CRACD: variants seen among roughly 807,000 people sequenced by gnomAD.
CRACD encodes the protein capping protein inhibiting regulator of actin dynamics.
A neutral mutation model predicts 106.8 loss-of-function variants in CRACD; 56 were observed. The observed-to-expected ratio is 0.52, with a 90% CI of 0.42 to 0.66. The LOEUF is 0.66. Among genes scored for constraint, CRACD ranks in the 30% least tolerant of loss-of-function variants. The pLI, the probability that CRACD is intolerant of heterozygous loss-of-function variation, is 0.00. For synonymous variants in CRACD, 754 were observed against 670.8 expected (o/e 1.12, Z -1.92); for missense variants, 1,730 against 1,623.2 (o/e 1.07, Z -1.13).
At chr4:56,181,984 A>T (rs552703036) in intron 2 of CRACD, among the ~76,000 whole-genome samples, 2 of 152,174 alleles carry the variant, frequency 1.3e-5, no homozygotes, top group Non-Finnish European at 2.9e-5. Context: ...CATCACAGCT[A>T]CCTTAAATAA....
At chr4:56,198,658 A>G (rs1737736752) in intron 2 of CRACD, among the ~76,000 whole-genome samples, 1 of 152,146 alleles carries the variant, frequency 6.6e-6, no homozygotes, top group Non-Finnish European at 1.5e-5. Context: ...CATTTTTCTT[A>G]AGAGTCAGGG....
Position 56,313,207 on chromosome 4 carries a change from T to G in CRACD, c.365T>G (p.Val122Gly). The G allele has an allele frequency of 6.2e-7, 1 of 1,614,096 alleles. No individual in the cohort carries two copies. Among genetic ancestry groups the G allele is most frequent in the Non-Finnish European group, 8.5e-7 (1 of 1,179,998 alleles). Residue 122 changes from valine to glycine, a missense_variant, in exon 7 of 11, where the codon GTT becomes GGT. Val to Gly is a moderately radical substitution (Grantham distance 109). Coordinates refer to ENST00000682029, the MANE Select transcript of CRACD (RefSeq NM_001393381.1). Reference sequence around the variant, plus strand: ...TAATCTCCCCTACAGGTTGCTCCCGTTAAACCGTCTCGGCCAAAAAGGCAC... The same window carrying G: ...TAATCTCCCCTACAGGTTGCTCCCGGTAAACCGTCTCGGCCAAAAAGGCAC... ...GSEMEEKVAP[V>G]KPSRPKRHFS...
intron 1 of CRACD, among the ~76,000 whole-genome samples, chr4:56,152,921 C>G (rs987321104): frequency 5.9e-5 from 9 of 152,180 alleles, no homozygotes; most frequent in African/African-American, 1.7e-4. Context: ...CCTGTCTTTT[C>G]TGTTGCCCAC....
chr4:56,193,100 G>T (rs1737454708), intron 2 of CRACD, among the ~76,000 whole-genome samples: 1 of 152,166 alleles, frequency 6.6e-6, no homozygotes, highest in Non-Finnish European at 1.5e-5. Context: ...TCACAATCAT[G>T]GTGGAAGACA....
rs569554419 is a variant in CRACD at position 56,309,060 on chromosome 4, G to C, written c.285+1361G>C. 108 of 475,860 alleles carry C rather than the reference G, an allele frequency of 2.3e-4. 1 individual carries two copies. The highest frequency in any genetic ancestry group is 2.1e-3 in the African/African-American group (105 of 50,304). The allele number at this position is 475,860 out of a possible 1,614,324, so 29.5% of individuals were successfully genotyped here. A position where few individuals can be genotyped will look rare whatever the true frequency, so the allele number is the denominator to read the frequency against. Reference sequence around the variant, plus strand: ...CCAGTATATAAATAGAATCATTTCAGATCAAGAAAAATGCTGGCTGCACAG... The same window carrying C: ...CCAGTATATAAATAGAATCATTTCACATCAAGAAAAATGCTGGCTGCACAG... On this transcript the variant is annotated intron_variant, in intron 5 of 10. Coordinates refer to ENST00000682029, the MANE Select transcript of CRACD (RefSeq NM_001393381.1).
chr4:56,313,445 TG>T, intron 7 of CRACD, 66 bp downstream of exon 7: 2 of 1,448,940 alleles, frequency 1.4e-6, no homozygotes, highest in Non-Finnish European at 1.9e-6. Flanking sequence ...ATTCTACAAG[TG>T]GGTTGGCATT....
At chr4:56,317,547 T>C (rs908858560) in intron 8 of CRACD, among the ~76,000 whole-genome samples, 8 of 152,236 alleles carry the variant, frequency 5.3e-5, no homozygotes, top group Non-Finnish European at 8.8e-5. Context: ...TTAACCATTT[T>C]GAGGGGGCCT....
At chr4:56,091,327 T>G (rs1469615040) in intron 1 of CRACD, among the ~76,000 whole-genome samples, 2 of 151,914 alleles carry the variant, frequency 1.3e-5, no homozygotes, top group Non-Finnish European at 2.9e-5. Context: ...TGTCCTGGGA[T>G]TTTAGACCTA....
chr4:56,253,445 C>T (rs181997940), intron 2 of CRACD, among the ~76,000 whole-genome samples: 3 of 152,212 alleles, frequency 2.0e-5, no homozygotes, highest in Non-Finnish European at 4.4e-5. Flanking sequence ...GAACTGAGGT[C>T]CTAAGAAGCT....
chr4:56,078,023 A>G (rs1266637769), intron 1 of CRACD, among the ~76,000 whole-genome samples: 2 of 152,242 alleles, frequency 1.3e-5, no homozygotes, highest in African/African-American at 4.8e-5. Context: ...CTCACAATGA[A>G]TATGTACGTG....
chr4:56,117,195 G>T lies in CRACD; in HGVS notation c.-335-62089G>T, dbSNP rs200031947. On this transcript the variant is annotated intron_variant, in intron 1 of 10. Coordinates refer to ENST00000682029, the MANE Select transcript of CRACD (RefSeq NM_001393381.1). The stretch of plus-strand genomic sequence containing the variant: ...GCCACCACGCCTGGCTAATTTTTTT[G>T]TATTTTTAGTAGAGACGGGGTTTCA... 2.3e-4 allele frequency among the ~76,000 whole-genome samples: 35 copies of T among 151,754 alleles called. No individual in the cohort carries two copies. The East Asian group carries it at 6.2e-3, about 27-fold the overall frequency.
chr4:56,181,460 A>G (rs1736816864), intron 2 of CRACD, among the ~76,000 whole-genome samples: 1 of 152,206 alleles, frequency 6.6e-6, no homozygotes, highest in Non-Finnish European at 1.5e-5. Flanking sequence ...TCTGCAGTTA[A>G]AGAACACGTA....
At chr4:56,285,777 T>C (rs1002848673) in intron 3 of CRACD, among the ~76,000 whole-genome samples, 1 of 152,152 alleles carries the variant, frequency 6.6e-6, no homozygotes, top group East Asian at 1.9e-4. Context: ...TAAATTTAAT[T>C]CTAATGAAAG....
chr4:56,125,570 C>T (rs999977503), intron 1 of CRACD, among the ~76,000 whole-genome samples: 1 of 151,964 alleles, frequency 6.6e-6, no homozygotes, highest in Non-Finnish European at 1.5e-5. Context: ...AGGCATGTGC[C>T]ACTATGCCTG....
At chr4:56,241,329 C>T (rs1482799586) in intron 2 of CRACD, among the ~76,000 whole-genome samples, 1 of 152,000 alleles carries the variant, frequency 6.6e-6, no homozygotes, top group Non-Finnish European at 1.5e-5. Context: ...GTTCAGTTCT[C>T]CAAGATAAAC....
intron 2 of CRACD, among the ~76,000 whole-genome samples, chr4:56,188,709 CACAGAG>C (rs879419758): frequency 1.7e-4 from 22 of 129,866 alleles, no homozygotes; most frequent in African/African-American, 7.0e-4. Context: ...CACACACACA[CACAGAG>C]AGAGAGAGAG....
At chr4:56,142,521 A>G (rs1481677928) in intron 1 of CRACD, among the ~76,000 whole-genome samples, 1 of 151,950 alleles carries the variant, frequency 6.6e-6, no homozygotes, top group Non-Finnish European at 1.5e-5. Context: ...TTTTACTTTT[A>G]TGCTAGGTGT....
intron 3 of CRACD, among the ~76,000 whole-genome samples, chr4:56,284,378 C>T (rs1743212724): frequency 6.7e-6 from 1 of 149,152 alleles, no homozygotes. Flanking sequence ...TAGATGTGAT[C>T]CCTGACCTAA....
At chr4:56,301,132 T>TG in intron 4 of CRACD, 1 of 745,354 alleles carries the variant, frequency 1.3e-6, no homozygotes, top group Non-Finnish European at 2.0e-6. Context: ...AGGAGGGAAA[T>TG]GGGGACCATT....
Sources: gnomAD v4.1 joint callset for allele counts (sites outside exome capture counted in the v4.1 genomes callset) on GRCh38, gnomAD v4.1.1 for gene constraint, MANE v1.5 for transcripts, NCBI Gene and HGNC (gene_info 2026-07-23, HGNC 2026-07-21) for gene names.